The following DLGAP2 variants were observed in gnomAD, a reference collection of about 807,000 sequenced individuals.
DLGAP2 encodes disks large-associated protein 2.
Under a neutral mutation model 100.3 loss-of-function variants are expected in DLGAP2, and 26 were observed. That is an observed-to-expected ratio of 0.26 (90% CI 0.19 to 0.36). DLGAP2 has a LOEUF of 0.36. Ranked by LOEUF, DLGAP2 falls within the 10% of genes least tolerant of loss-of-function variation. DLGAP2 has a pLI of 1.00. For synonymous variants in DLGAP2, 886 were observed against 630.1 expected, an observed-to-expected ratio of 1.41 and a Z score of -6.08; for missense variants, 1,858 against 1,453.2, an observed-to-expected ratio of 1.28 and a Z score of -4.53.
intron 1 of DLGAP2, among the ~76,000 whole-genome samples, chr8:745,030 A>G (rs1167889861): frequency 1.3e-5 from 2 of 152,140 alleles, no homozygotes; most frequent in Non-Finnish European, 2.9e-5. Context: ...ATGTCACTGG[A>G]TAAACAGTTG....
intron 2 of DLGAP2, among the ~76,000 whole-genome samples, chr8:980,845 G>A (rs1800311038): frequency 6.6e-6 from 1 of 152,164 alleles, no homozygotes; most frequent in Non-Finnish European, 1.5e-5. Context: ...TGGACAACGG[G>A]CAGCAGTTAG....
At chr8:1,412,568 G>C (rs541045920) in intron 3 of DLGAP2, among the ~76,000 whole-genome samples, 1 of 152,324 alleles carries the variant, frequency 6.6e-6, no homozygotes, top group South Asian at 2.1e-4. Context: ...CATTCCAGCT[G>C]TGAGCCCTCA....
chr8:1,489,299 G>A (rs531672163), intron 3 of DLGAP2, among the ~76,000 whole-genome samples: 1 of 152,342 alleles, frequency 6.6e-6, no homozygotes, highest in East Asian at 1.9e-4. Flanking sequence ...CTGTCTGTGA[G>A]TCTCCTGCAA....
intron 2 of DLGAP2, among the ~76,000 whole-genome samples, chr8:1,191,080 C>G (rs1466436281): frequency 6.6e-6 from 1 of 152,024 alleles, no homozygotes; most frequent in Non-Finnish European, 1.5e-5. Flanking sequence ...GGTTCTGAAG[C>G]TTTGAAGTGT....
intron 3 of DLGAP2, among the ~76,000 whole-genome samples, chr8:1,377,140 G>A (rs1242269754): frequency 6.6e-6 from 1 of 152,212 alleles, no homozygotes; most frequent in Non-Finnish European, 1.5e-5. Context: ...AGTCCTCGGG[G>A]CCCAGCCCCA....
intron 4 of DLGAP2, among the ~76,000 whole-genome samples, chr8:1,518,464 C>T (rs1800471333): frequency 6.6e-6 from 1 of 152,126 alleles, no homozygotes; most frequent in Non-Finnish European, 1.5e-5. Context: ...ATTTACAAGG[C>T]ACATAGAACA....
In DLGAP2 at chr8:1,664,554, G is replaced by A. The variant is rs144675095; in HGVS notation, c.1811-3775G>A. ...GAATCTTACAATGTTGTATCCACCA[G>A]TGAAGCTTGCCAGGCACTTTACGTC... On this transcript the variant is annotated intron_variant, in intron 8 of 14. Transcript: ENST00000637795. 3.9e-5 allele frequency among the ~76,000 whole-genome samples: 6 copies of A among 152,294 alleles called. No homozygotes were observed. In the East Asian group the frequency reaches 7.7e-4, roughly 20 times the overall value.
chr8:1,018,435 C>A (rs558769671), intron 2 of DLGAP2, among the ~76,000 whole-genome samples: 1 of 152,176 alleles, frequency 6.6e-6, no homozygotes, highest in Non-Finnish European at 1.5e-5. Flanking sequence ...AGTGAGTGCC[C>A]TAGCTCTTGG....
At chr8:1,142,200 T>C (rs982112224) in intron 2 of DLGAP2, among the ~76,000 whole-genome samples, 2 of 152,118 alleles carry the variant, frequency 1.3e-5, no homozygotes, top group Non-Finnish European at 2.9e-5. Context: ...TGCTATACAG[T>C]TTTTTGTGTG....
At chr8:1,425,908 G>C (rs530153697) in intron 3 of DLGAP2, among the ~76,000 whole-genome samples, 233 of 152,310 alleles carry the variant, frequency 1.5e-3, no homozygotes, top group African/African-American at 5.2e-3. Flanking sequence ...GAAGAAAGGA[G>C]ACTGGGGAAA....
intron 2 of DLGAP2, among the ~76,000 whole-genome samples, chr8:1,170,765 CT>C (rs893440081): frequency 2.7e-5 from 4 of 149,810 alleles, no homozygotes; most frequent in African/African-American, 7.4e-5. Flanking sequence ...CTATTTGATT[CT>C]TTTCTCTTTT....
intron 2 of DLGAP2, among the ~76,000 whole-genome samples, chr8:1,091,173 A>G (rs886176372): frequency 2.6e-5 from 4 of 152,148 alleles, no homozygotes; most frequent in Non-Finnish European, 5.9e-5. Flanking sequence ...GAGCCTGTGC[A>G]TCTCTTCCTG....
chr8:1,064,657 C>A (rs1434530698), intron 2 of DLGAP2, among the ~76,000 whole-genome samples: 2 of 152,192 alleles, frequency 1.3e-5, no homozygotes, highest in Admixed American at 1.3e-4. Context: ...TTGACATTCT[C>A]TAAAATATTC....
At chr8:1,324,694 T>C (rs954561256) in intron 3 of DLGAP2, among the ~76,000 whole-genome samples, 1 of 152,236 alleles carries the variant, frequency 6.6e-6, no homozygotes, top group Non-Finnish European at 1.5e-5. Context: ...TTTTCAGCCA[T>C]TTCACAATTC....
chr8:1,655,088 A>T (rs191749251), intron 8 of DLGAP2, among the ~76,000 whole-genome samples: 1 of 152,254 alleles, frequency 6.6e-6, no homozygotes, highest in African/African-American at 2.4e-5. Context: ...TAATTAACAC[A>T]TTCAAAATAG....
chr8:1,219,364 A>G (rs1290803412), intron 2 of DLGAP2, among the ~76,000 whole-genome samples: 1 of 152,222 alleles, frequency 6.6e-6, no homozygotes, highest in East Asian at 1.9e-4. Flanking sequence ...TTCTGCATCT[A>G]TTAAGATGAT....
chr8:1,280,846 G>A (rs552665358), intron 3 of DLGAP2, among the ~76,000 whole-genome samples: 260 of 152,310 alleles, frequency 1.7e-3, no homozygotes, highest in African/African-American at 6.1e-3. Flanking sequence ...GGCCATCCTA[G>A]GGCTTAGGTA....
chr8:1,287,280 GTGGTTGTTAGGAGGGGAA>G (rs1799946374), intron 3 of DLGAP2, among the ~76,000 whole-genome samples: 1 of 46,446 alleles, frequency 2.2e-5, no homozygotes, highest in Admixed American at 2.3e-4. Context: ...GTGTGTGTGT[GTGGTTGTTAGGAGGGGAA>G]CTAGTTTCGG....
At chr8:1,186,980 C>A (rs917487328) in intron 2 of DLGAP2, among the ~76,000 whole-genome samples, 1 of 152,216 alleles carries the variant, frequency 6.6e-6, no homozygotes, top group Admixed American at 6.5e-5. Context: ...TTCCATCACA[C>A]CCGTTAATTG....
Sources: allele counts gnomAD v4.1 joint callset (sites outside exome capture counted in the v4.1 genomes callset), GRCh38; gene constraint gnomAD v4.1.1; transcripts MANE v1.5; gene names NCBI Gene and HGNC (gene_info 2026-07-23, HGNC 2026-07-21).